ZFHX4: variants seen among roughly 807,000 people sequenced by gnomAD.
ZFHX4 encodes zinc finger homeobox 4.
A neutral mutation model predicts 267.6 loss-of-function variants in ZFHX4; 56 were observed. The ratio of observed to expected loss-of-function variants is 0.21; its 90% CI spans 0.17 to 0.26. The LOEUF (loss-of-function observed/expected upper bound fraction) is 0.26. ZFHX4 is among the 10% of genes least tolerant of loss of function. The probability of loss-of-function intolerance (pLI) is 1.00; values close to 1 mark genes in which losing one functional copy is unlikely to be tolerated. For missense variants in ZFHX4, 4,332 were observed against 4,420.0 expected (o/e 0.98, Z 0.56); for synonymous variants, 1,778 against 1,665.6 (o/e 1.07, Z -1.64).
chr8:76,705,887 C>T lies in ZFHX4; in HGVS notation c.1799C>T (p.Thr600Ile), dbSNP rs777208567. 54 of 1,613,678 alleles carry T rather than the reference C, an allele frequency of 3.3e-5. No individual in the cohort carries two copies. Among genetic ancestry groups the T allele is most frequent in the Middle Eastern group, 3.3e-4 (2 of 6,084 alleles). Residue 600 changes from threonine (T) to isoleucine (I), a missense_variant, in exon 2 of 11, where the codon ACA becomes ATA. By Grantham distance (89) the Thr-to-Ile change is moderately conservative (BLOSUM62 -1). Transcript: ENST00000651372. Reference sequence around the variant, plus strand: ...GGCTTTACCCCGAGTACTCCTGGCACACCAGGGCCTGGAGGAGACGGCTCA... The same window carrying T: ...GGCTTTACCCCGAGTACTCCTGGCATACCAGGGCCTGGAGGAGACGGCTCA... Reference protein sequence around the residue: ...QHGFTPSTPGTPGPGGDGSPG... With the variant: ...QHGFTPSTPGIPGPGGDGSPG...
chr8:76,716,260 C>T (rs1563480680), intron 3 of ZFHX4, among the ~76,000 whole-genome samples: 1 of 152,208 alleles, frequency 6.6e-6, no homozygotes, highest in East Asian at 1.9e-4. Flanking sequence ...CCTCCTGATG[C>T]CAGATAATCT....
chr8:76,852,939 ACCTCCT>A lies in ZFHX4; in HGVS notation c.6027_6032del (p.Pro2010_Pro2011del). 1.3e-6 allele frequency: 2 copies of A among 1,581,964 alleles called. No individual in the cohort carries two copies. The highest frequency in any genetic ancestry group is 1.7e-6 in the Non-Finnish European group (2 of 1,163,840). ...CTTCTCCAGAAACGCCGCCCCCGCC[ACCTCCT>A]CCTCCTCCCTTGCCTCCGGCTCCTC... On this transcript the variant is annotated inframe_deletion, in exon 10 of 11. Coordinates refer to ENST00000651372, the MANE Select transcript of ZFHX4 (RefSeq NM_024721.5).
rs1417113116 is a variant in ZFHX4, at chr8:76,694,728, T to C, written c.-46-9315T>C. ...TGCCCCCGCCCCCGCCCCACCATCC[T>C]GTCCACTCAGGCTTCCCTTTTCTTC... On this transcript the variant is annotated intron_variant, in intron 1 of 10. Transcript: ENST00000651372. 8.2e-5 allele frequency among the ~76,000 whole-genome samples: 9 copies of C among 109,554 alleles called. No individual in the cohort carries two copies. In the East Asian group the frequency reaches 2.3e-3, roughly 27 times the overall value. 71.9% of individuals were successfully genotyped at this position (109,554 alleles called of 152,430 possible). A position where few individuals can be genotyped will look rare whatever the true frequency, so the allele number is the denominator to read the frequency against.
At chr8:76,737,943 T>A (rs1809208862) in intron 3 of ZFHX4, among the ~76,000 whole-genome samples, 1 of 152,194 alleles carries the variant, frequency 6.6e-6, no homozygotes, top group Non-Finnish European at 1.5e-5. Context: ...ACTTATACAT[T>A]TAAGAATCAG....
At position 76,863,682 on chromosome 8, in the gene ZFHX4, A is replaced by G. The variant is rs1318229756; in HGVS notation, c.9968A>G (p.Gln3323Arg). 6.3e-7 allele frequency: 1 copy of G among 1,598,408 alleles called. No homozygotes were observed. Among genetic ancestry groups the G allele is most frequent in the Admixed American group, 1.8e-5 (1 of 56,480 alleles). The change falls in exon 11 of 11, where the codon CAG becomes CGG. Residue 3323 changes from glutamine (Q) to arginine (R), a missense_variant. Transcript: ENST00000651372. ...CTGTTGCAGCAGTACCAACAGTATCAGCAGAACCTGCAGGAGTCCCTGCAA... is the reference window on the plus strand; with the variant it reads ...CTGTTGCAGCAGTACCAACAGTATCGGCAGAACCTGCAGGAGTCCCTGCAA... Reference protein sequence around the residue: ...GALLQQYQQYQQNLQESLQKQ... With the variant: ...GALLQQYQQYRQNLQESLQKQ...
intron 4 of ZFHX4, among the ~76,000 whole-genome samples, chr8:76,811,817 C>T (rs531196378): frequency 2.6e-5 from 4 of 152,204 alleles, no homozygotes; most frequent in South Asian, 2.1e-4. Context: ...CTAGCTACTC[C>T]GGAGCCTGAG....
intron 10 of ZFHX4, 48 bp from the exon 11 acceptor site, chr8:76,863,046 T>C (rs1812911805): frequency 2.1e-5 from 31 of 1,458,504 alleles, no homozygotes; most frequent in African/African-American, 2.9e-5. Flanking sequence ...AGCCTTCCGA[T>C]GTTGGTCTGT....
At chr8:76,737,744 A>G (rs942908085) in intron 3 of ZFHX4, among the ~76,000 whole-genome samples, 12 of 152,346 alleles carry the variant, frequency 7.9e-5, no homozygotes, top group African/African-American at 2.9e-4. Context: ...GAATTTACCT[A>G]TTAAGCTATT....
At chr8:76,728,664 C>T (rs897118808) in intron 3 of ZFHX4, among the ~76,000 whole-genome samples, 3 of 152,082 alleles carry the variant, frequency 2.0e-5, no homozygotes, top group Admixed American at 6.6e-5. Flanking sequence ...GAAATCTGTG[C>T]CTGACACTAT....
At chr8:76,791,580 G>A (rs1279045608) in intron 4 of ZFHX4, among the ~76,000 whole-genome samples, 1 of 152,082 alleles carries the variant, frequency 6.6e-6, no homozygotes, top group Admixed American at 6.6e-5. Flanking sequence ...TTTCATTCCT[G>A]TACAAAGTAC....
At chr8:76,758,742 C>G (rs1809831835) in intron 3 of ZFHX4, among the ~76,000 whole-genome samples, 1 of 152,098 alleles carries the variant, frequency 6.6e-6, no homozygotes, top group African/African-American at 2.4e-5. Context: ...GATTCACTTG[C>G]CTTGGCCCCC....
rs144954045 is a variant in ZFHX4, at chr8:76,835,241, GTATA to G, written c.3394+1851_3394+1854del. On this transcript the variant is annotated intron_variant, in intron 5 of 10. Transcript: ENST00000651372. ...TATGTATATATATATATATATATATGTATATATATATATATATATTCATACATAT... is the reference window on the plus strand; with the variant it reads ...TATGTATATATATATATATATATATGTATATATATATATATTCATACATAT... Among the ~76,000 whole-genome samples the G allele has an allele frequency of 1.4e-3, 58 of 42,634 alleles. 1 individual carries two copies. The highest frequency in any genetic ancestry group is 3.2e-3 in the African/African-American group (25 of 7,772). The allele number at this position is 42,634 out of a possible 152,430, so 28.0% of individuals were successfully genotyped here.
chr8:76,813,432 AAATT>A (rs1308984071), intron 4 of ZFHX4, among the ~76,000 whole-genome samples: 2 of 152,126 alleles, frequency 1.3e-5, no homozygotes, highest in Non-Finnish European at 2.9e-5. Flanking sequence ...TTAGGTGATA[AAATT>A]TGTGGTTGAG....
At chr8:76,719,113 TA>T (rs1230540157) in intron 3 of ZFHX4, among the ~76,000 whole-genome samples, 69 of 151,252 alleles carry the variant, frequency 4.6e-4, no homozygotes, top group African/African-American at 1.6e-3. Flanking sequence ...GAAGACCTAT[TA>T]TTTTTTTTTG....
At chr8:76,799,568 G>A (rs1811065883) in intron 4 of ZFHX4, among the ~76,000 whole-genome samples, 1 of 152,146 alleles carries the variant, frequency 6.6e-6, no homozygotes, top group Non-Finnish European at 1.5e-5. Context: ...ATTCCTTGTG[G>A]AAACAGTTTC....
chr8:76,723,522 G>A (rs1268526833), intron 3 of ZFHX4, among the ~76,000 whole-genome samples: 1 of 151,162 alleles, frequency 6.6e-6, no homozygotes, highest in East Asian at 1.9e-4. Context: ...AAATTATGTA[G>A]GGAAAAATAA....
intron 3 of ZFHX4, among the ~76,000 whole-genome samples, chr8:76,758,492 G>T (rs988792806): frequency 3.3e-5 from 5 of 151,906 alleles, no homozygotes; most frequent in African/African-American, 1.2e-4. Context: ...TTTTTTGTTT[G>T]TTTGTTTGTT....
chr8:76,831,992 G>GT (rs1181914226), intron 4 of ZFHX4, among the ~76,000 whole-genome samples: 1 of 102,980 alleles, frequency 9.7e-6, no homozygotes, highest in Non-Finnish European at 1.9e-5. Context: ...TAACATAATG[G>GT]TTTTTTTAGT....
chr8:76,746,409 G>A (rs7837649), intron 3 of ZFHX4, among the ~76,000 whole-genome samples: 50,323 of 151,908 alleles, frequency 0.33, 12,321 homozygotes, highest in African/African-American at 0.69. Context: ...TCCTGTTTCT[G>A]AAAACAAAAA....
Sources: gnomAD v4.1 joint callset for allele counts (sites outside exome capture counted in the v4.1 genomes callset) on GRCh38, gnomAD v4.1.1 for gene constraint, MANE v1.5 for transcripts, NCBI Gene and HGNC (gene_info 2026-07-23, HGNC 2026-07-21) for gene names.